MED13L: variants seen among roughly 807,000 people sequenced by gnomAD.
The protein encoded by MED13L is mediator of RNA polymerase II transcription subunit 13-like.
MED13L carries 7 observed loss-of-function variants against 220.9 expected under a neutral mutation model. That is an observed-to-expected ratio of 0.03 (90% CI 0.02 to 0.06). The LOEUF is 0.06. Among genes scored for constraint, MED13L ranks in the 10% least tolerant of loss-of-function variants. The probability of loss-of-function intolerance (pLI) is 1.00; values close to 1 mark genes in which losing one functional copy is unlikely to be tolerated. For synonymous variants in MED13L, 1,011 were observed against 1,015.2 expected (o/e 1.00, Z 0.08); for missense variants, 1,965 against 2,760.5 (o/e 0.71, Z 6.46).
chr12:116,067,636 C>T (rs544598621), intron 4 of MED13L, among the ~76,000 whole-genome samples: 15 of 152,278 alleles, frequency 9.9e-5, no homozygotes, highest in Admixed American at 8.5e-4. Flanking sequence ...AGCATCCCCC[C>T]AAAGTTATTC....
At chr12:116,139,530 A>G (rs1876871251) in intron 2 of MED13L, among the ~76,000 whole-genome samples, 1 of 152,208 alleles carries the variant, frequency 6.6e-6, no homozygotes, top group Non-Finnish European at 1.5e-5. Flanking sequence ...ACCTTCATTT[A>G]AGAAAAAGGA....
chr12:115,962,366 C>T (rs1875823714), intron 30 of MED13L, among the ~76,000 whole-genome samples: 1 of 152,174 alleles, frequency 6.6e-6, no homozygotes, highest in Admixed American at 6.5e-5. Flanking sequence ...GTTTGTGCCC[C>T]TATGAGAATC....
chr12:116,235,030 C>T (rs1214993088), intron 2 of MED13L, among the ~76,000 whole-genome samples: 1 of 152,136 alleles, frequency 6.6e-6, no homozygotes, highest in Non-Finnish European at 1.5e-5. Flanking sequence ...TCTAAAATAT[C>T]TCCACTTTGT....
At chr12:116,110,012 A>C (rs1873940811) in intron 3 of MED13L, 1 of 152,184 alleles carries the variant, frequency 6.6e-6, no homozygotes, top group African/African-American at 2.4e-5. Flanking sequence ...TTGGATAAGA[A>C]ACTGGTAAGT....
intron 2 of MED13L, among the ~76,000 whole-genome samples, chr12:116,141,900 C>G (rs555283915): frequency 7.9e-5 from 12 of 152,016 alleles, no homozygotes; most frequent in Non-Finnish European, 1.5e-4. Context: ...ATAAATTGTC[C>G]CCCACACCCT....
intron 2 of MED13L, among the ~76,000 whole-genome samples, chr12:116,220,047 C>T (rs1883220265): frequency 6.6e-6 from 1 of 152,070 alleles, no homozygotes; most frequent in Non-Finnish European, 1.5e-5. Flanking sequence ...CACCCCGCCT[C>T]AGCCTCCCAA....
intron 23 of MED13L, 73 bp downstream of exon 23, chr12:115,980,677 G>A: frequency 6.7e-7 from 1 of 1,494,208 alleles, no homozygotes; most frequent in Non-Finnish European, 9.3e-7. Flanking sequence ...CCAATCTCTG[G>A]GTTAGATAAA....
chr12:116,274,005 G>C (rs1265955343), intron 1 of MED13L, among the ~76,000 whole-genome samples: 4 of 152,204 alleles, frequency 2.6e-5, no homozygotes, highest in African/African-American at 7.2e-5. Flanking sequence ...CCAGAAATGT[G>C]ATGGACAGCA....
chr12:116,183,399 G>T (rs367985274), intron 2 of MED13L, among the ~76,000 whole-genome samples: 1 of 152,092 alleles, frequency 6.6e-6, no homozygotes, highest in Non-Finnish European at 1.5e-5. Flanking sequence ...AATTTATAAC[G>T]TCAATCTGTA....
intron 5 of MED13L, among the ~76,000 whole-genome samples, chr12:116,020,454 T>C (rs995347385): frequency 2.0e-5 from 3 of 152,210 alleles, no homozygotes; most frequent in Non-Finnish European, 4.4e-5. Context: ...TGCCTAAAAC[T>C]TGAACACTCT....
At chr12:115,965,943 C>T (rs1876124888) in intron 29 of MED13L, 139 bp downstream of exon 29, 1 of 1,072,546 alleles carries the variant, frequency 9.3e-7, no homozygotes, top group Non-Finnish European at 1.4e-6. Context: ...ATTAAAATTT[C>T]CTCAGAGTAT....
At chr12:116,072,462 T>C (rs1281970016) in intron 4 of MED13L, among the ~76,000 whole-genome samples, 1 of 152,166 alleles carries the variant, frequency 6.6e-6, no homozygotes, top group Non-Finnish European at 1.5e-5. Flanking sequence ...TTTTGTTTTT[T>C]GTTTTTTGAG....
At chr12:116,244,194 C>T (rs1344301904) in intron 1 of MED13L, among the ~76,000 whole-genome samples, 1 of 152,142 alleles carries the variant, frequency 6.6e-6, no homozygotes, top group Non-Finnish European at 1.5e-5. Context: ...AGGGTTACCA[C>T]TGCAGTAGAG....
intron 2 of MED13L, among the ~76,000 whole-genome samples, chr12:116,134,124 A>G (rs1488115856): frequency 1.3e-5 from 2 of 152,172 alleles, no homozygotes; most frequent in Admixed American, 6.5e-5. Context: ...CTGAGTTTTG[A>G]TATTAGATGA....
intron 3 of MED13L, among the ~76,000 whole-genome samples, chr12:116,101,765 A>G (rs1338348001): frequency 6.6e-6 from 1 of 152,196 alleles, no homozygotes; most frequent in Non-Finnish European, 1.5e-5. Context: ...TTTACACTCT[A>G]TCAAGCTTTG....
At chr12:116,270,887 CA>C (rs1415668920) in intron 1 of MED13L, among the ~76,000 whole-genome samples, 2 of 150,468 alleles carry the variant, frequency 1.3e-5, no homozygotes, top group Admixed American at 6.6e-5. Context: ...CTAAAAAATA[CA>C]AAAATTAGCT....
Position 116,035,630 on chromosome 12 carries a change from A to G in MED13L, c.480-13029T>C, listed in dbSNP as rs573773039. On this transcript the variant is annotated intron_variant, in intron 4 of 30. Coordinates refer to ENST00000281928, the MANE Select transcript of MED13L (RefSeq NM_015335.5). Reference sequence around the variant, plus strand: ...TTTAGAGACAGGGTCTCGTTCTGTCACTCAGGCTGGAATGCAGTGGCGCGA... The same window carrying G: ...TTTAGAGACAGGGTCTCGTTCTGTCGCTCAGGCTGGAATGCAGTGGCGCGA... 2.3e-3 allele frequency among the ~76,000 whole-genome samples: 343 copies of G among 152,020 alleles called. 1 individual carries two copies. The highest frequency in any genetic ancestry group is 4.3e-3 in the Non-Finnish European group (295 of 67,960).
chr12:116,107,243 C>G (rs1043056937), intron 3 of MED13L, among the ~76,000 whole-genome samples: 1 of 152,186 alleles, frequency 6.6e-6, no homozygotes, highest in African/African-American at 2.4e-5. Context: ...TGTCTGATAT[C>G]GTTATGGACA....
intron 29 of MED13L, 123 bp downstream of exon 29, chr12:115,965,959 G>A (rs985198706): frequency 2.1e-5 from 26 of 1,239,730 alleles, no homozygotes; most frequent in Admixed American, 7.4e-5. Context: ...AGTATAAGTA[G>A]ATACAAGAGA....
Sources: gnomAD v4.1 joint callset for allele counts (sites outside exome capture counted in the v4.1 genomes callset) on GRCh38, gnomAD v4.1.1 for gene constraint, MANE v1.5 for transcripts, NCBI Gene and HGNC (gene_info 2026-07-23, HGNC 2026-07-21) for gene names.